LNPK: variants seen among roughly 807,000 people sequenced by gnomAD.
LNPK encodes the protein endoplasmic reticulum junction formation protein lunapark.
In LNPK, 29 loss-of-function variants were observed where a neutral mutation model predicts 55.2. The observed-to-expected ratio is 0.53, with a 90% CI of 0.39 to 0.72. The LOEUF is 0.72. Ranked by LOEUF, LNPK falls within the 30% of genes least tolerant of loss-of-function variation. LNPK has a pLI of 0.00. For synonymous variants in LNPK, 162 were observed against 168.2 expected (o/e 0.96, Z 0.29); for missense variants, 467 against 494.8 (o/e 0.94, Z 0.53).
chr2:175,979,489 C>T (rs932846254), intron 5 of LNPK, among the ~76,000 whole-genome samples: 1 of 151,304 alleles, frequency 6.6e-6, no homozygotes, highest in Non-Finnish European at 1.5e-5. Context: ...ACCTGGGAGG[C>T]GGAGGTTGCA....
intron 8 of LNPK, among the ~76,000 whole-genome samples, chr2:175,960,124 C>T (rs904664803): frequency 2.0e-5 from 3 of 152,040 alleles, no homozygotes; most frequent in Non-Finnish European, 4.4e-5. Context: ...ACTTTAACAC[C>T]CCACTGTCAA....
Position 175,929,872 on chromosome 2 carries a change from C to T in LNPK, c.*95G>A, listed in dbSNP as rs1684178568. ...AATTCAAATGATACACAAGCATACC[C>T]TTAGAGGGGCAAAAAAAGTAAGTGC... On this transcript the variant is annotated 3_prime_UTR_variant, in exon 13 of 13. Coordinates refer to ENST00000272748, the MANE Select transcript of LNPK (RefSeq NM_030650.3). 5.2e-6 allele frequency: 8 copies of T among 1,550,408 alleles called. No homozygotes were observed. In the Admixed American group the frequency reaches 1.5e-4, roughly 29 times the overall value.
intron 9 of LNPK, chr2:175,941,072 GC>G (rs1278888050): frequency 4.8e-6 from 2 of 415,438 alleles, no homozygotes; most frequent in Admixed American, 5.8e-5. Context: ...ATATGAGGAA[GC>G]CCCATCTCTA....
chr2:175,985,914 T>C (rs1483613012), intron 4 of LNPK, among the ~76,000 whole-genome samples: 2 of 152,200 alleles, frequency 1.3e-5, no homozygotes, highest in East Asian at 1.9e-4. Context: ...AACTACCATA[T>C]AGATGTTACC....
intron 9 of LNPK, among the ~76,000 whole-genome samples, chr2:175,946,081 C>G (rs1381817454): frequency 1.3e-5 from 2 of 152,104 alleles, no homozygotes; most frequent in African/African-American, 2.4e-5. Flanking sequence ...GTCTTTCACA[C>G]AGAAACTAAT....
rs1273321940 is a variant in LNPK, at chr2:175,928,972, C to G, written c.*995G>C. 1 of 296,714 alleles carries G rather than the reference C, an allele frequency of 3.4e-6. No homozygotes were observed. Among genetic ancestry groups the G allele is most frequent in the Non-Finnish European group, 5.0e-6 (1 of 200,234 alleles). The allele number at this position is 296,714 out of a possible 1,614,324, so 18.4% of individuals were successfully genotyped here. On this transcript the variant is annotated 3_prime_UTR_variant, in exon 13 of 13. Coordinates refer to ENST00000272748, the MANE Select transcript of LNPK (RefSeq NM_030650.3). Reference sequence around the variant, plus strand: ...CTATTTCTGTTAACTAGAAAGGAAACAAGTCTGAATAAAAGTACCATAATT... The same window carrying G: ...CTATTTCTGTTAACTAGAAAGGAAAGAAGTCTGAATAAAAGTACCATAATT...
At chr2:175,930,385 C>T (rs1684220418) in intron 12 of LNPK, among the ~76,000 whole-genome samples, 186 bp from the exon 13 acceptor site, 1 of 150,716 alleles carries the variant, frequency 6.6e-6, no homozygotes, top group Admixed American at 6.6e-5. Context: ...ACTCTCTTTA[C>T]AGTTAGTATG....
rs1687893122 is a variant in LNPK at position 175,995,591 on chromosome 2, T to C, written c.-7A>G. 1 of 1,608,904 alleles carries C rather than the reference T, an allele frequency of 6.2e-7. No individual in the cohort carries two copies. The highest frequency in any genetic ancestry group is 8.5e-7 in the Non-Finnish European group (1 of 1,175,748). On this transcript the variant is annotated 5_prime_UTR_variant, in exon 2 of 13. Coordinates refer to ENST00000272748, the MANE Select transcript of LNPK (RefSeq NM_030650.3). ...GAGAAAATAATCCACCCATCTTTTATTTGTAGAAACTGGGCACAATGATAA... is the reference window on the plus strand; with the variant it reads ...GAGAAAATAATCCACCCATCTTTTACTTGTAGAAACTGGGCACAATGATAA...
intron 4 of LNPK, among the ~76,000 whole-genome samples, chr2:175,990,512 T>C (rs1186134655): frequency 6.6e-6 from 1 of 152,168 alleles, no homozygotes; most frequent in Non-Finnish European, 1.5e-5. Flanking sequence ...AGGTATTCCT[T>C]TATAGCAACA....
chr2:175,994,051 G>C (rs1687823642), intron 2 of LNPK: 2 of 343,934 alleles, frequency 5.8e-6, no homozygotes, highest in Non-Finnish European at 8.2e-6. Context: ...TTATAGCAAA[G>C]CTTGTTTGCC....
intron 4 of LNPK, among the ~76,000 whole-genome samples, chr2:175,991,544 T>A (rs1389830171): frequency 6.6e-6 from 1 of 152,198 alleles, no homozygotes; most frequent in Non-Finnish European, 1.5e-5. Context: ...CCCTATTAAA[T>A]GCTCCCATAG....
At chr2:175,980,501 A>G (rs768428826) in intron 4 of LNPK, among the ~76,000 whole-genome samples, 3 of 152,196 alleles carry the variant, frequency 2.0e-5, no homozygotes, top group Non-Finnish European at 2.9e-5. Context: ...AAATGAATTG[A>G]AAGAATTAAA....
At position 175,999,912 on chromosome 2, in the gene LNPK, T is replaced by A. The variant is rs1839008; in HGVS notation, c.-63+2248A>T. Among the ~76,000 whole-genome samples, 464 of 152,174 alleles carry A rather than the reference T, an allele frequency of 3.0e-3. 30 individuals carry two copies. In the South Asian group the frequency reaches 0.087, roughly 28 times the overall value. On this transcript the variant is annotated intron_variant, in intron 1 of 12. Coordinates refer to ENST00000272748, the MANE Select transcript of LNPK (RefSeq NM_030650.3). ...TCCCATGTAGCTGGGATTACAGGTG[T>A]ATGCCACCACTCCCGACTAATTTTT... is the stretch of plus-strand genomic sequence containing the variant.
At chr2:175,933,787 A>AGTG (rs1376225870) in intron 12 of LNPK, among the ~76,000 whole-genome samples, 1 of 133,666 alleles carries the variant, frequency 7.5e-6, no homozygotes, top group Non-Finnish European at 1.5e-5. Context: ...GCTGGAGTGC[A>AGTG]GTGGCACAAT....
At chr2:175,951,958 G>A (rs538022486) in intron 8 of LNPK, among the ~76,000 whole-genome samples, 1 of 151,702 alleles carries the variant, frequency 6.6e-6, no homozygotes, top group African/African-American at 2.4e-5. Flanking sequence ...ATTGCATTTT[G>A]GTTTTGATTT....
At chr2:175,934,789 C>CA (rs1684458505) in intron 12 of LNPK, among the ~76,000 whole-genome samples, 1 of 150,722 alleles carries the variant, frequency 6.6e-6, no homozygotes, top group Non-Finnish European at 1.5e-5. Context: ...TGCCCTCAAG[C>CA]AAAAAGACAA....
intron 11 of LNPK, 125 bp downstream of exon 11, chr2:175,938,188 G>A: frequency 3.4e-6 from 2 of 594,122 alleles, no homozygotes; most frequent in Non-Finnish European, 6.0e-6. Context: ...CTAAAATAAG[G>A]ATAATATGCC....
At chr2:175,967,653 A>C in intron 6 of LNPK, 1 of 984,908 alleles carries the variant, frequency 1.0e-6, no homozygotes, top group Non-Finnish European at 1.2e-6. Flanking sequence ...CATGCTGAAA[A>C]TACTGTCTGG....
chr2:175,951,607 A>ATATATCTATC (rs972901665), intron 8 of LNPK, among the ~76,000 whole-genome samples: 1 of 121,744 alleles, frequency 8.2e-6, no homozygotes, highest in African/African-American at 2.9e-5. Context: ...ATATATATAT[A>ATATATCTATC]TATCTCAGTT....
Sources: gnomAD v4.1 joint callset for allele counts (sites outside exome capture counted in the v4.1 genomes callset) on GRCh38, gnomAD v4.1.1 for gene constraint, MANE v1.5 for transcripts, NCBI Gene and HGNC (gene_info 2026-07-23, HGNC 2026-07-21) for gene names.